EPHB1: variants seen among roughly 807,000 people sequenced by gnomAD.
The protein encoded by EPHB1 is EPH receptor B1.
In EPHB1, 30 loss-of-function variants were observed where a neutral mutation model predicts 94.4. The ratio of observed to expected loss-of-function variants is 0.32; its 90% CI spans 0.24 to 0.43. The LOEUF (loss-of-function observed/expected upper bound fraction) is 0.43, where lower values mean the gene tolerates loss of function less well. EPHB1 is among the 20% of genes least tolerant of loss of function. The pLI, the probability that EPHB1 is intolerant of heterozygous loss-of-function variation, is 1.00. For synonymous variants in EPHB1, 522 were observed against 489.1 expected (o/e 1.07, Z -0.89); for missense variants, 1,055 against 1,308.3 (o/e 0.81, Z 2.99).
intron 10 of EPHB1, among the ~76,000 whole-genome samples, chr3:135,183,283 C>CCTTCCTTA (rs1942238487): frequency 7.2e-6 from 1 of 138,456 alleles, no homozygotes; most frequent in Non-Finnish European, 1.6e-5. Flanking sequence ...TTCCTTCCTT[C>CCTTCCTTA]CTTCCTTCCT....
chr3:135,224,175 A>G (rs1943339248), intron 12 of EPHB1, among the ~76,000 whole-genome samples: 1 of 152,160 alleles, frequency 6.6e-6, no homozygotes, highest in South Asian at 2.1e-4. Context: ...GAGCACATAC[A>G]CTCTAAGATA....
intron 10 of EPHB1, among the ~76,000 whole-genome samples, chr3:135,186,031 CTG>C (rs1315105433): frequency 1.3e-5 from 2 of 152,144 alleles, no homozygotes; most frequent in African/African-American, 2.4e-5. Flanking sequence ...ACAACAAGGA[CTG>C]AGATATTTAG....
intron 12 of EPHB1, among the ~76,000 whole-genome samples, chr3:135,208,571 A>G (rs1942960742): frequency 6.6e-6 from 1 of 152,180 alleles, no homozygotes; most frequent in African/African-American, 2.4e-5. Context: ...ATCAGGACCC[A>G]TGTGTGAATG....
chr3:135,141,582 G>C (rs872514), intron 5 of EPHB1, among the ~76,000 whole-genome samples: 17,479 of 152,090 alleles, frequency 0.11, 1,449 homozygotes, highest in African/African-American at 0.24. Flanking sequence ...GGGTGTGCAG[G>C]AGACTGGGTC....
intron 1 of EPHB1, among the ~76,000 whole-genome samples, chr3:134,885,619 G>A (rs937219061): frequency 1.3e-5 from 2 of 152,200 alleles, no homozygotes; most frequent in African/African-American, 4.8e-5. Flanking sequence ...TCCTTCTATA[G>A]CATCCAAGGA....
At chr3:134,905,199 TTGGA>T (rs748124080) in intron 1 of EPHB1, among the ~76,000 whole-genome samples, 6 of 152,338 alleles carry the variant, frequency 3.9e-5, no homozygotes, top group Non-Finnish European at 8.8e-5. Context: ...GTAGAGAAGA[TTGGA>T]TGGACACTGG....
intron 6 of EPHB1, among the ~76,000 whole-genome samples, chr3:135,158,540 CCTG>C (rs1206232729): frequency 6.6e-6 from 1 of 152,158 alleles, no homozygotes; most frequent in Admixed American, 6.5e-5. Flanking sequence ...CCATGGGTCT[CCTG>C]CTCCACATAA....
intron 3 of EPHB1, among the ~76,000 whole-genome samples, chr3:135,003,466 C>CT (rs1460996219): frequency 6.8e-6 from 1 of 147,910 alleles, no homozygotes; most frequent in African/African-American, 2.5e-5. Flanking sequence ...CTGTAGATGT[C>CT]TATTAGGTCT....
chr3:134,855,036 A>T (rs2037081767), intron 1 of EPHB1, among the ~76,000 whole-genome samples: 1 of 152,162 alleles, frequency 6.6e-6, no homozygotes, highest in African/African-American at 2.4e-5. Context: ...GGGCATATAC[A>T]TATATACACA....
intron 1 of EPHB1, among the ~76,000 whole-genome samples, chr3:134,863,769 A>C (rs903878686): frequency 1.3e-5 from 2 of 152,198 alleles, no homozygotes; most frequent in Admixed American, 1.3e-4. Context: ...TGTCGTACCC[A>C]GTTTCATATA....
intron 1 of EPHB1, among the ~76,000 whole-genome samples, chr3:134,830,545 G>A (rs965051466): frequency 2.0e-5 from 3 of 152,178 alleles, no homozygotes; most frequent in Admixed American, 2.0e-4. Context: ...GGTCTGGGCC[G>A]AGGAGCATGG....
intron 3 of EPHB1, among the ~76,000 whole-genome samples, chr3:134,964,557 A>G (rs1254350234): frequency 1.3e-5 from 2 of 152,234 alleles, no homozygotes; most frequent in Non-Finnish European, 2.9e-5. Context: ...CTGCCAAATC[A>G]TGAACTTGGC....
At chr3:134,899,047 G>A (rs764706210) in intron 1 of EPHB1, among the ~76,000 whole-genome samples, 16 of 152,112 alleles carry the variant, frequency 1.1e-4, no homozygotes, top group Non-Finnish European at 1.6e-4. Flanking sequence ...CAATAGATGA[G>A]GAAAACATCC....
At chr3:135,096,466 G>A (rs1040631815) in intron 3 of EPHB1, among the ~76,000 whole-genome samples, 36 of 152,228 alleles carry the variant, frequency 2.4e-4, no homozygotes, top group African/African-American at 8.0e-4. Context: ...CAGTAGGCCT[G>A]GAGGAGGATC....
At chr3:135,019,372 G>C (rs540757026) in intron 3 of EPHB1, among the ~76,000 whole-genome samples, 9 of 152,348 alleles carry the variant, frequency 5.9e-5, no homozygotes, top group African/African-American at 2.2e-4. Flanking sequence ...GGGGAGTCAT[G>C]TGTGTGCAAA....
chr3:135,257,333 C>CCCAT (rs1241857754), intron 15 of EPHB1, among the ~76,000 whole-genome samples: 1 of 152,016 alleles, frequency 6.6e-6, no homozygotes, highest in Non-Finnish European at 1.5e-5. Context: ...CTGTTTTTTC[C>CCCAT]CCATCTTTGT....
At chr3:134,903,719 T>G (rs1272856610) in intron 1 of EPHB1, among the ~76,000 whole-genome samples, 1 of 152,130 alleles carries the variant, frequency 6.6e-6, no homozygotes, top group East Asian at 1.9e-4. Flanking sequence ...AGGTAAGAAT[T>G]CTATCAAAGG....
rs145602044 is a variant in EPHB1 at position 135,216,974 on chromosome 3, G to T, written c.2346+15285G>T. Among the ~76,000 whole-genome samples the T allele has an allele frequency of 3.2e-3, 484 of 152,246 alleles. 1 individual carries two copies. The highest frequency in any genetic ancestry group is 9.7e-3 in the African/African-American group (405 of 41,540). On this transcript the variant is annotated intron_variant, in intron 12 of 15. Transcript: ENST00000398015. ...AGGCAGTTCGGTGTGCCTGATGGGG[G>T]TCACCTGTGTCTGGAATTAAAAGGT...
intron 3 of EPHB1, among the ~76,000 whole-genome samples, chr3:134,972,684 T>C (rs1934025598): frequency 6.6e-6 from 1 of 151,902 alleles, no homozygotes; most frequent in South Asian, 2.1e-4. Context: ...ATACTGTGTG[T>C]TATGCTACAA....
Sources: allele counts gnomAD v4.1 joint callset (sites outside exome capture counted in the v4.1 genomes callset), GRCh38; gene constraint gnomAD v4.1.1; transcripts MANE v1.5; gene names NCBI Gene and HGNC (gene_info 2026-07-23, HGNC 2026-07-21).